Variants in ACOX1 observed in about 807,000 individuals in gnomAD.
ACOX1 encodes the protein peroxisomal acyl-coenzyme A oxidase 1.
Under a neutral mutation model 75.5 loss-of-function variants are expected in ACOX1, and 41 were observed. The ratio of observed to expected loss-of-function variants is 0.54; its 90% confidence interval spans 0.42 to 0.70. ACOX1 has a LOEUF of 0.70. ACOX1 is among the 30% of genes least tolerant of loss of function. ACOX1 has a pLI of 0.00. For missense variants in ACOX1, 630 were observed against 837.5 expected (o/e 0.75, Z 3.06); for synonymous variants, 303 against 298.8 (o/e 1.01, Z -0.15).
At chr17:75,966,880 A>G (rs2065937638) in intron 2 of ACOX1, among the ~76,000 whole-genome samples, 1 of 152,194 alleles carries the variant, frequency 6.6e-6, no homozygotes, top group Non-Finnish European at 1.5e-5. Flanking sequence ...TCAATGTAAT[A>G]TATTTAAGGT....
chr17:75,953,852 A>G (rs1040993665), intron 6 of ACOX1, among the ~76,000 whole-genome samples: 1 of 152,238 alleles, frequency 6.6e-6, no homozygotes, highest in Non-Finnish European at 1.5e-5. Context: ...CAAAAGTTTG[A>G]GAATCATTGG....
In ACOX1 at chr17:75,960,366, G is replaced by A. The variant is rs1466659969; in HGVS notation, c.279C>T (p.His93=). 1 of 1,613,862 alleles carries A rather than the reference G, an allele frequency of 6.2e-7. No homozygotes were observed. Among genetic ancestry groups the A allele is most frequent in the Non-Finnish European group, 8.5e-7 (1 of 1,180,006 alleles). The change falls in exon 3 of 14, where the codon CAC becomes CAT. Residue 93 remains histidine (H), a synonymous_variant. Coordinates refer to ENST00000293217, the MANE Select transcript of ACOX1 (RefSeq NM_004035.7). The surrounding 1 kb of genome is among the most constrained non-coding windows in gnomAD (Gnocchi z 4.4). The stretch of plus-strand genomic sequence containing the variant: ...GATCCAGAGGCTCAGGCCGCCCTCG[G>A]TGCACAAAACTTCGAGGAAATATCA... ...DEIMWFKNFV[H]RGRPEPLDLH...
intron 3 of ACOX1, among the ~76,000 whole-genome samples, chr17:75,958,215 T>C (rs1183391399): frequency 6.7e-6 from 1 of 148,240 alleles, no homozygotes; most frequent in Admixed American, 6.8e-5. Flanking sequence ...TAGCCAGGCA[T>C]TGTGGCATGC....
rs55909021 is a variant in ACOX1, at chr17:75,968,435, C to CAAA, written c.270-8063_270-8061dup. Among the ~76,000 whole-genome samples the CAAA allele has an allele frequency of 4.8e-4, 10 of 21,002 alleles. No homozygotes were observed. In the East Asian group the frequency reaches 8.4e-3, roughly 18 times the overall value. 13.8% of individuals were successfully genotyped at this position (21,002 alleles called of 152,430 possible). A position where few individuals can be genotyped will look rare whatever the true frequency, so the allele number is the denominator to read the frequency against. ...TGGGCGACAGAGCGAGACTCCGTCT[C>CAAA]AAAAAAAAAAAAAAAAAAAAGTTAG... On this transcript the variant is annotated intron_variant, in intron 2 of 13. Transcript: ENST00000293217.
chr17:75,942,478 A>G lies in ACOX1; in HGVS notation c.*4270T>C, dbSNP rs2065681462. On this transcript the variant is annotated 3_prime_UTR_variant, in exon 14 of 14. Coordinates refer to ENST00000293217, the MANE Select transcript of ACOX1 (RefSeq NM_004035.7). The stretch of plus-strand genomic sequence containing the variant: ...CAAAACCCCACCATCAATATTTTAA[A>G]ATAAAAAGTCGTTTTAGTCAATTAC... The G allele has an allele frequency of 6.6e-6, 1 of 151,736 alleles. No individual in the cohort carries two copies. Among genetic ancestry groups the G allele is most frequent in the Non-Finnish European group, 1.5e-5 (1 of 68,008 alleles). The allele number at this position is 151,736 out of a possible 1,614,324, so 9.4% of individuals were successfully genotyped here.
At position 75,955,555 on chromosome 17, in the gene ACOX1, T is replaced by C. The variant is rs768703904; in HGVS notation, c.774+11A>G. ...TTTGATGCCTCTGCTTTATTTTCTA[T>C]CAAAACATACCTGGGCATACTTCAT... On this transcript the variant is annotated intron_variant, in intron 6 of 13. Coordinates refer to ENST00000293217, the MANE Select transcript of ACOX1 (RefSeq NM_004035.7). 2 of 1,609,700 alleles carry C rather than the reference T, an allele frequency of 1.2e-6. No homozygotes were observed. The highest frequency in any genetic ancestry group is 4.5e-5 in the East Asian group (2 of 44,856).
chr17:75,955,754 T>C (rs2065818642), intron 5 of ACOX1, 73 bp from the exon 6 acceptor site: 2 of 1,612,408 alleles, frequency 1.2e-6, no homozygotes, highest in Middle Eastern at 1.7e-4. Flanking sequence ...GCCTCTTCAG[T>C]TGGGCATTCT....
chr17:75,942,020 A>G lies in ACOX1; in HGVS notation c.*4728T>C, dbSNP rs1487584817. On this transcript the variant is annotated 3_prime_UTR_variant, in exon 14 of 14. Coordinates refer to ENST00000293217, the MANE Select transcript of ACOX1 (RefSeq NM_004035.7). ...GGCAAAAACACCCTTGAATCTAGGA[A>G]TGTGCACATATGCAACAGCTAACAT... 6.6e-6 allele frequency: 1 copy of G among 152,210 alleles called. No homozygotes were observed. Among genetic ancestry groups the G allele is most frequent in the African/African-American group, 2.4e-5 (1 of 41,462 alleles). 9.4% of individuals were successfully genotyped at this position (152,210 alleles called of 1,614,324 possible).
At chr17:75,977,139 A>G (rs2066058769) in intron 2 of ACOX1, among the ~76,000 whole-genome samples, 1 of 150,730 alleles carries the variant, frequency 6.6e-6, no homozygotes, top group South Asian at 2.1e-4. Flanking sequence ...CTGGGACCCC[A>G]GAAGCGCACC....
chr17:75,951,628 A>G (rs2065775211), intron 7 of ACOX1, 51 bp from the exon 8 acceptor site: 1 of 1,586,088 alleles, frequency 6.3e-7, no homozygotes, highest in Non-Finnish European at 8.6e-7. Flanking sequence ...TTTATACAGA[A>G]CTTTCTATAT....
chr17:75,958,074 G>T (rs1441503088), intron 3 of ACOX1, among the ~76,000 whole-genome samples: 3 of 152,152 alleles, frequency 2.0e-5, no homozygotes, highest in African/African-American at 7.2e-5. Flanking sequence ...AAAATGTATG[G>T]CTGTGCGTGG....
At chr17:75,977,316 A>G (rs2066060923) in intron 2 of ACOX1, among the ~76,000 whole-genome samples, 1 of 151,248 alleles carries the variant, frequency 6.6e-6, no homozygotes, top group Non-Finnish European at 1.5e-5. Context: ...ATTTTTATTT[A>G]TTTTTACCGT....
intron 2 of ACOX1, among the ~76,000 whole-genome samples, chr17:75,966,320 G>A (rs1208705645): frequency 6.7e-6 from 1 of 149,310 alleles, no homozygotes; most frequent in Non-Finnish European, 1.5e-5. Flanking sequence ...AGCTGAGCAT[G>A]GTGGTGCACG....
rs2065878711 is a variant in ACOX1, at chr17:75,960,699, C to G, written c.270-324G>C. On this transcript the variant is annotated intron_variant, in intron 2 of 13. Coordinates refer to ENST00000293217, the MANE Select transcript of ACOX1 (RefSeq NM_004035.7). The surrounding 1 kb of genome is among the most constrained non-coding windows in gnomAD (Gnocchi z 4.4). Reference sequence around the variant, plus strand: ...AAGGAAATAAAGAAAATTTGAGAGGCCAGTGCAGTGGATCATGCCTACAAT... The same window carrying G: ...AAGGAAATAAAGAAAATTTGAGAGGGCAGTGCAGTGGATCATGCCTACAAT... Among the ~76,000 whole-genome samples the G allele has an allele frequency of 6.6e-6, 1 of 152,194 alleles. No homozygotes were observed. The highest frequency in any genetic ancestry group is 1.5e-5 in the Non-Finnish European group (1 of 68,044).
chr17:75,973,275 T>C (rs2066013817), intron 2 of ACOX1: 1 of 335,952 alleles, frequency 3.0e-6, no homozygotes, highest in Non-Finnish European at 5.8e-6. Flanking sequence ...AGAGAGGCGC[T>C]TTCCAGATAT....
intron 2 of ACOX1, among the ~76,000 whole-genome samples, chr17:75,975,050 CA>C (rs1022347068): frequency 0.034 from 1,355 of 40,292 alleles, 2 homozygotes; most frequent in Non-Finnish European, 0.048. Flanking sequence ...ACTCTGTCTC[CA>C]AAAAAAAAAA....
At chr17:75,977,964 CTG>C (rs2066070512) in intron 2 of ACOX1, among the ~76,000 whole-genome samples, 1 of 152,176 alleles carries the variant, frequency 6.6e-6, no homozygotes, top group Admixed American at 6.6e-5. Flanking sequence ...ATCCTTGAAA[CTG>C]TACTCTTGAG....
Position 75,959,361 on chromosome 17 carries a change from T to C in ACOX1, c.430+854A>G, listed in dbSNP as rs116894417. 4.4e-3 allele frequency among the ~76,000 whole-genome samples: 666 copies of C among 152,232 alleles called. 3 individuals are homozygous for C. Among genetic ancestry groups the C allele is most frequent in the Non-Finnish European group, 7.3e-3 (493 of 67,998 alleles). On this transcript the variant is annotated intron_variant, in intron 3 of 13. Coordinates refer to ENST00000293217, the MANE Select transcript of ACOX1 (RefSeq NM_004035.7). ...TTTTCAAAAGCACAACTGAAACAAA[T>C]AGTATTCCACTTGGAGTCTCATGAA...
intron 2 of ACOX1, chr17:75,973,904 T>A: frequency 1.0e-6 from 1 of 959,978 alleles, no homozygotes; most frequent in Non-Finnish European, 1.6e-6. Flanking sequence ...AACCCCCTTC[T>A]TATGAAATTA....
Sources: gnomAD v4.1 joint callset for allele counts (sites outside exome capture counted in the v4.1 genomes callset) on GRCh38, gnomAD v4.1.1 for gene constraint, Gnocchi (gnomAD v3.1) non-coding constraint, MANE v1.5 for transcripts, NCBI Gene and HGNC (gene_info 2026-07-23, HGNC 2026-07-21) for gene names.